The following DLGAP2 variants were observed in gnomAD, a reference collection of about 807,000 sequenced individuals.
DLGAP2 encodes DLG associated protein 2.
DLGAP2 carries 26 observed loss-of-function variants against 100.3 expected under a neutral mutation model. The observed-to-expected ratio is 0.26, with a 90% CI of 0.19 to 0.36. The LOEUF is 0.36. Among genes scored for constraint, DLGAP2 ranks in the 10% least tolerant of loss-of-function variants. The pLI is 1.00. For synonymous variants in DLGAP2, 886 were observed against 630.1 expected, an observed-to-expected ratio of 1.41 and a Z score of -6.08; for missense variants, 1,858 against 1,453.2, an observed-to-expected ratio of 1.28 and a Z score of -4.53.
intron 6 of DLGAP2, among the ~76,000 whole-genome samples, chr8:1,583,393 C>T (rs895078313): frequency 1.0e-4 from 15 of 150,678 alleles, no homozygotes; most frequent in African/African-American, 3.2e-4. Context: ...CTCCACACAG[C>T]GTAACACCAC....
At chr8:1,202,103 T>G (rs1247549668) in intron 2 of DLGAP2, among the ~76,000 whole-genome samples, 1 of 152,078 alleles carries the variant, frequency 6.6e-6, no homozygotes, top group Non-Finnish European at 1.5e-5. Flanking sequence ...TGTGCACATG[T>G]GTACAGCATC....
intron 2 of DLGAP2, among the ~76,000 whole-genome samples, chr8:1,233,990 G>A (rs1193317239): frequency 6.6e-6 from 1 of 152,172 alleles, no homozygotes; most frequent in Non-Finnish European, 1.5e-5. Context: ...TGCACTGGGA[G>A]GGCTTCATGG....
chr8:1,445,403 T>C (rs1797958684), intron 3 of DLGAP2, among the ~76,000 whole-genome samples: 1 of 152,002 alleles, frequency 6.6e-6, no homozygotes, highest in South Asian at 2.1e-4. Flanking sequence ...TCCATGTCCC[T>C]ACAAAGGACA....
At chr8:1,457,646 C>G (rs1391197289) in intron 3 of DLGAP2, among the ~76,000 whole-genome samples, 1 of 152,108 alleles carries the variant, frequency 6.6e-6, no homozygotes, top group Non-Finnish European at 1.5e-5. Context: ...TTCTTACAGG[C>G]AATTTTTCCT....
chr8:1,565,627 A>G, intron 5 of DLGAP2, 56 bp from the exon 6 acceptor site: 2 of 1,426,138 alleles, frequency 1.4e-6, no homozygotes, highest in East Asian at 2.4e-5. Context: ...AAAGGAGCTG[A>G]TGCTGCCGTT....
At chr8:1,449,966 C>T (rs1415714099) in intron 3 of DLGAP2, among the ~76,000 whole-genome samples, 6 of 90,602 alleles carry the variant, frequency 6.6e-5, no homozygotes, top group Admixed American at 1.0e-4. Flanking sequence ...ACGAGGTGGG[C>T]GGCCTCGGTG....
chr8:962,424 T>C (rs746925813), intron 2 of DLGAP2, among the ~76,000 whole-genome samples: 1 of 152,166 alleles, frequency 6.6e-6, no homozygotes. Flanking sequence ...TCGCTTGCCT[T>C]TGGAGTCAGT....
At chr8:1,243,190 C>T (rs977099097) in intron 2 of DLGAP2, among the ~76,000 whole-genome samples, 3 of 152,188 alleles carry the variant, frequency 2.0e-5, no homozygotes, top group Non-Finnish European at 4.4e-5. Flanking sequence ...AGTGGACACA[C>T]CAGGGGAGTG....
At chr8:845,256 T>C (rs1184043697) in intron 1 of DLGAP2, among the ~76,000 whole-genome samples, 2 of 152,270 alleles carry the variant, frequency 1.3e-5, no homozygotes, top group Non-Finnish European at 2.9e-5. Flanking sequence ...TTTACGTTTC[T>C]GCCAGTCGTA....
intron 3 of DLGAP2, among the ~76,000 whole-genome samples, chr8:1,335,504 T>C (rs750189954): frequency 2.6e-5 from 4 of 152,074 alleles, no homozygotes; most frequent in Non-Finnish European, 4.4e-5. Context: ...CGTTGCAATA[T>C]CGGACATGAT....
intron 2 of DLGAP2, chr8:1,002,143 C>T (rs1800977908): frequency 6.6e-6 from 1 of 152,202 alleles, no homozygotes; most frequent in Non-Finnish European, 1.5e-5. Context: ...GGAATTCGAT[C>T]ACTGGCTGAG....
At chr8:953,210 T>C (rs555339843) in intron 2 of DLGAP2, among the ~76,000 whole-genome samples, 15 of 152,318 alleles carry the variant, frequency 9.8e-5, no homozygotes, top group South Asian at 6.2e-4. Flanking sequence ...TTTTCTTTTT[T>C]TTGAGATGGA....
At chr8:1,133,778 G>A (rs957123516) in intron 2 of DLGAP2, among the ~76,000 whole-genome samples, 6 of 151,902 alleles carry the variant, frequency 3.9e-5, no homozygotes, top group African/African-American at 4.8e-5. Context: ...TAACACAGTA[G>A]TATTTAATTT....
At chr8:905,899 A>C (rs1013110210) in intron 1 of DLGAP2, among the ~76,000 whole-genome samples, 10 of 151,476 alleles carry the variant, frequency 6.6e-5, no homozygotes, top group Admixed American at 5.3e-4. Context: ...CACGTGATAG[A>C]GACGTGGCTG....
At chr8:1,481,681 T>C (rs1298643929) in intron 3 of DLGAP2, among the ~76,000 whole-genome samples, 1 of 152,026 alleles carries the variant, frequency 6.6e-6, no homozygotes, top group Non-Finnish European at 1.5e-5. Context: ...TTTCACCTTG[T>C]TGGCCAGGCT....
intron 1 of DLGAP2, among the ~76,000 whole-genome samples, chr8:824,778 C>T (rs973504582): frequency 4.6e-5 from 7 of 152,164 alleles, no homozygotes; most frequent in Admixed American, 2.0e-4. Context: ...AGAAGCTCTC[C>T]TGCACCCCAG....
intron 3 of DLGAP2, among the ~76,000 whole-genome samples, chr8:1,466,386 C>A (rs1798626599): frequency 6.6e-6 from 1 of 152,106 alleles, no homozygotes; most frequent in Admixed American, 6.5e-5. Context: ...CCTCCCTTTT[C>A]CTCTTTTGGG....
intron 6 of DLGAP2, among the ~76,000 whole-genome samples, chr8:1,597,360 C>G (rs1348921282): frequency 1.4e-5 from 2 of 143,964 alleles, no homozygotes; most frequent in Admixed American, 7.3e-5. Flanking sequence ...TTTTTTGATT[C>G]CATATGAAAT....
intron 3 of DLGAP2, chr8:1,259,607 G>A (rs979578861): frequency 6.6e-6 from 1 of 152,212 alleles, no homozygotes; most frequent in Non-Finnish European, 1.5e-5. Context: ...GGGAACTCGG[G>A]ACACAGCCAA....
Sources: allele counts gnomAD v4.1 joint callset (sites outside exome capture counted in the v4.1 genomes callset), GRCh38; gene constraint gnomAD v4.1.1; transcripts MANE v1.5; gene names NCBI Gene and HGNC (gene_info 2026-07-23, HGNC 2026-07-21).